HAVCR1: variants seen among roughly 807,000 people sequenced by gnomAD.
The protein encoded by HAVCR1 is hepatitis A virus cellular receptor 1, also known as T cell immunoglobin domain and mucin domain protein 1.
In HAVCR1, 34 loss-of-function variants were observed where a neutral mutation model predicts 32.0. That is an observed-to-expected ratio of 1.06 (90% CI 0.81 to 1.42). The LOEUF is 1.42. HAVCR1 is among the 40% of genes most tolerant of loss of function. HAVCR1 has a pLI of 0.00. For missense variants in HAVCR1, 420 were observed against 442.3 expected, an observed-to-expected ratio of 0.95 and a Z score of 0.45; for synonymous variants, 178 against 170.3, an observed-to-expected ratio of 1.05 and a Z score of -0.35.
At chr5:157,066,055 TAAAAAAA>T in the HAVCR1 span, among the ~76,000 whole-genome samples, 7 of 66,918 alleles carry the variant, frequency 1.0e-4, no homozygotes, top group South Asian at 2.6e-3. Context: ...GACTCCGTCT[TAAAAAAA>T]AAAAAAAAAA....
chr5:157,047,534 C>T (rs1755477322), intron 5 of HAVCR1, among the ~76,000 whole-genome samples: 2 of 148,144 alleles, frequency 1.4e-5, no homozygotes, highest in South Asian at 2.2e-4. Flanking sequence ...TGGGTGATGA[C>T]AGAGCAAGAC....
chr5:157,055,089 T>C, intron 3 of HAVCR1, 112 bp downstream of exon 3: 1 of 598,502 alleles, frequency 1.7e-6, no homozygotes, highest in Non-Finnish European at 3.0e-6. Flanking sequence ...AACAAGAGTT[T>C]ATTTAAAAAC....
intron 3 of HAVCR1, among the ~76,000 whole-genome samples, chr5:157,052,935 G>A (rs149539116): frequency 0.012 from 1,767 of 152,180 alleles, 18 homozygotes; most frequent in East Asian, 0.053. Flanking sequence ...CTTTTTTGGG[G>A]GCAGGGTCTC....
At chr5:157,030,672 G>C (rs1490185584) in intron 8 of HAVCR1, among the ~76,000 whole-genome samples, 3 of 152,138 alleles carry the variant, frequency 2.0e-5, no homozygotes, top group Non-Finnish European at 2.9e-5. Context: ...TAGAAACAGT[G>C]GAAATACAAG....
chr5:157,039,609 A>G (rs6884501), intron 6 of HAVCR1, among the ~76,000 whole-genome samples: 35,186 of 152,170 alleles, frequency 0.23, 4,453 homozygotes, highest in Admixed American at 0.33. Flanking sequence ...TCAGCCTCCC[A>G]AAGTGCTGGA....
At chr5:157,044,615 G>GAAAGAA (rs760337335) in intron 5 of HAVCR1, among the ~76,000 whole-genome samples, 19 of 52,716 alleles carry the variant, frequency 3.6e-4, no homozygotes, top group East Asian at 1.1e-3. Flanking sequence ...AAGAAAGAAA[G>GAAAGAA]AGAAAGAAAG....
In HAVCR1 at chr5:157,029,616, G is replaced by A. The variant is rs1386238060; in HGVS notation, c.*117C>T. 1 of 1,547,740 alleles carries A rather than the reference G, an allele frequency of 6.5e-7. No homozygotes were observed. ...CCCAGTATCACTGACATGTTGGAAT[G>A]CCAGATGAAACTGAAACAGAAAAAT... On this transcript the variant is annotated 3_prime_UTR_variant, in exon 9 of 9. Coordinates refer to ENST00000523175, the MANE Select transcript of HAVCR1 (RefSeq NM_001173393.3).
chr5:157,037,446 C>T, intron 6 of HAVCR1, 85 bp from the exon 7 acceptor site: 2 of 699,262 alleles, frequency 2.9e-6, no homozygotes, highest in East Asian at 5.1e-5. Context: ...TACCCAGCCA[C>T]ATTTACCTGT....
At chr5:157,039,245 ATATGAACTATAGTATATCC>A (rs1754720818) in intron 6 of HAVCR1, among the ~76,000 whole-genome samples, 2 of 152,238 alleles carry the variant, frequency 1.3e-5, no homozygotes, top group Non-Finnish European at 2.9e-5. Flanking sequence ...ACTATATTCT[ATATGAACTATAGTATATCC>A]TAATTGTATA....
Position 157,052,579 on chromosome 5 carries a change from G to A in HAVCR1, c.455C>T (p.Thr152Met), listed in dbSNP as rs114193906. ...AGTCGTCATTGGAACAGTCGTTGTC[G>A]TTGGAACAGTGGTGCTCGTTCGAAC... is the stretch of plus-strand genomic sequence containing the variant. ...TTVRTSTTVP[T>M]TTTVPMTTVP... Residue 152 changes from threonine (T) to methionine (M), a missense_variant, in exon 4 of 9, where the codon ACG (threonine) becomes ATG (methionine). By Grantham distance (81) the Thr-to-Met change is moderately conservative (BLOSUM62 -1). Coordinates refer to ENST00000523175, the MANE Select transcript of HAVCR1 (RefSeq NM_001173393.3). 210 of 1,610,674 alleles carry A rather than the reference G, an allele frequency of 1.3e-4. No individual in the cohort carries two copies. The highest frequency in any genetic ancestry group is 2.5e-4 in the East Asian group (11 of 44,780).
intron 4 of HAVCR1, among the ~76,000 whole-genome samples, chr5:157,052,066 C>T (rs962883050): frequency 6.6e-6 from 1 of 152,196 alleles, no homozygotes; most frequent in Non-Finnish European, 1.5e-5. Context: ...TGAGTCAGAT[C>T]CACAGTATCC....
chr5:157,061,776 T>A (rs1039677775), upstream of HAVCR1, among the ~76,000 whole-genome samples: 1 of 152,202 alleles, frequency 6.6e-6, no homozygotes, highest in South Asian at 2.1e-4. Context: ...ACCATTCATT[T>A]TGATGACGGA....
chr5:157,068,895 G>A, the HAVCR1 span, among the ~76,000 whole-genome samples: 3 of 152,150 alleles, frequency 2.0e-5, no homozygotes, highest in Admixed American at 2.0e-4. Context: ...ATAGGCATGA[G>A]CCACCACGCC....
chr5:157,058,226 A>G (rs1325365011), intron 1 of HAVCR1: 1 of 383,764 alleles, frequency 2.6e-6, no homozygotes, highest in Non-Finnish European at 4.8e-6. Flanking sequence ...CATAACCGCC[A>G]AACTGACTCC....
upstream of HAVCR1, among the ~76,000 whole-genome samples, chr5:157,059,712 A>G (rs1756428303): frequency 1.3e-5 from 2 of 152,006 alleles, no homozygotes. Flanking sequence ...TGCCAGGCAC[A>G]GTGGCTCACG....
Position 157,054,490 on chromosome 5 carries a change from G to A in HAVCR1, c.379+711C>T, listed in dbSNP as rs147711928. Among the ~76,000 whole-genome samples the A allele has an allele frequency of 2.8e-3, 421 of 152,148 alleles. 3 individuals are homozygous for A. Among genetic ancestry groups the A allele is most frequent in the African/African-American group, 9.3e-3 (386 of 41,494 alleles). ...ATTGCACTTCAGCCTGGGCAACAGCGAGACTCTGTCTCAAAAAAAGTAAAT... is the reference window on the plus strand; with the variant it reads ...ATTGCACTTCAGCCTGGGCAACAGCAAGACTCTGTCTCAAAAAAAGTAAAT... On this transcript the variant is annotated intron_variant, in intron 3 of 8. Coordinates refer to ENST00000523175, the MANE Select transcript of HAVCR1 (RefSeq NM_001173393.3).
intron 5 of HAVCR1, among the ~76,000 whole-genome samples, chr5:157,048,774 G>C (rs940911864): frequency 5.3e-5 from 8 of 152,140 alleles, no homozygotes; most frequent in African/African-American, 1.9e-4. Context: ...AGCTTGCAGT[G>C]AGCCGAGATC....
intron 6 of HAVCR1, among the ~76,000 whole-genome samples, chr5:157,042,215 G>A (rs1243819964): frequency 6.6e-6 from 1 of 151,972 alleles, no homozygotes; most frequent in Non-Finnish European, 1.5e-5. Flanking sequence ...TCCCGAGGCG[G>A]GCGGATCATG....
intron 5 of HAVCR1, among the ~76,000 whole-genome samples, chr5:157,044,416 GGAAGGAGAAAGAAAGAAA>G (rs1477963960): frequency 1.8e-4 from 7 of 39,866 alleles, no homozygotes; most frequent in African/African-American, 9.6e-4. Context: ...AAGGAAGGAA[GGAAGGAGAAAGAAAGAAA>G]GAAAGAAAGA....
Sources: gnomAD v4.1 joint callset for allele counts (sites outside exome capture counted in the v4.1 genomes callset) on GRCh38, gnomAD v4.1.1 for gene constraint, MANE v1.5 for transcripts, NCBI Gene and HGNC (gene_info 2026-07-23, HGNC 2026-07-21) for gene names.